TRPC3: variants seen among roughly 807,000 people sequenced by gnomAD.
TRPC3 encodes short transient receptor potential channel 3.
A neutral mutation model predicts 90.9 loss-of-function variants in TRPC3; 54 were observed. The ratio of observed to expected loss-of-function variants is 0.59; its 90% CI spans 0.48 to 0.75. The LOEUF is 0.75. TRPC3 is among the 30% of genes least tolerant of loss of function. The pLI is 0.00. For missense variants in TRPC3, 918 were observed against 1,194.5 expected, an observed-to-expected ratio of 0.77 and a Z score of 3.41; for synonymous variants, 424 against 450.9, an observed-to-expected ratio of 0.94 and a Z score of 0.75.
At chr4:121,881,833 A>C (rs1727953556) in intron 11 of TRPC3, among the ~76,000 whole-genome samples, 1 of 152,112 alleles carries the variant, frequency 6.6e-6, no homozygotes, top group Non-Finnish European at 1.5e-5. Context: ...CCTGCCTCAA[A>C]TATGCCTTAA....
chr4:121,882,507 A>G lies in TRPC3; in HGVS notation c.2548-78T>C. The G allele has an allele frequency of 2.2e-6, 3 of 1,366,068 alleles. 1 individual carries two copies. The South Asian group carries it at 4.0e-5, about 18-fold the overall frequency. The allele number at this position is 1,366,068 out of a possible 1,614,324, so 84.6% of individuals were successfully genotyped here. ...AATCCTATTTTCCAAAGAGGCTTAC[A>G]TACCTGTAAAGCAAACAACTCAGGG... On this transcript the variant is annotated intron_variant, in intron 10 of 11. Coordinates refer to ENST00000379645, the MANE Select transcript of TRPC3 (RefSeq NM_001130698.2).
At position 121,951,376 on chromosome 4, in the gene TRPC3, C is replaced by T. The variant is rs1444575783; in HGVS notation, c.215+90G>A. The T allele has an allele frequency of 3.4e-6, 3 of 889,654 alleles. No individual in the cohort carries two copies. The highest frequency in any genetic ancestry group is 4.2e-6 in the Non-Finnish European group (3 of 709,514). 55.1% of individuals were successfully genotyped at this position (889,654 alleles called of 1,614,324 possible). ...CCATGTGGGTCTCGGAGGTCCCGGGCTCGACGTGGAGCCGCCCGGCGCGCG... is the reference window on the plus strand; with the variant it reads ...CCATGTGGGTCTCGGAGGTCCCGGGTTCGACGTGGAGCCGCCCGGCGCGCG... On this transcript the variant is annotated intron_variant, in intron 1 of 11. Coordinates refer to ENST00000379645, the MANE Select transcript of TRPC3 (RefSeq NM_001130698.2). This position sits in a 1 kb window ranked among gnomAD's most constrained non-coding sequence, Gnocchi z 4.4.
chr4:121,899,520 A>C, intron 10 of TRPC3, 92 bp downstream of exon 10: 1 of 1,059,020 alleles, frequency 9.4e-7, no homozygotes, highest in East Asian at 2.4e-5. Flanking sequence ...TATCTCAAGA[A>C]TATAACTCAA....
chr4:121,937,379 AAT>A, intron 1 of TRPC3, among the ~76,000 whole-genome samples: 1 of 152,242 alleles, frequency 6.6e-6, no homozygotes, highest in African/African-American at 2.4e-5. Flanking sequence ...AAGTTGAAAT[AAT>A]ATGTTTGAGC....
intron 3 of TRPC3, among the ~76,000 whole-genome samples, chr4:121,921,568 C>T (rs149738957): frequency 7.2e-4 from 108 of 149,170 alleles, no homozygotes; most frequent in African/African-American, 2.4e-3. Flanking sequence ...TCATATGCGG[C>T]CAATATTGGC....
intron 10 of TRPC3, among the ~76,000 whole-genome samples, chr4:121,899,268 T>C (rs1270031712): frequency 1.3e-5 from 2 of 152,218 alleles, no homozygotes; most frequent in African/African-American, 4.8e-5. Flanking sequence ...CATTCTAACA[T>C]ACTCTGTCTT....
intron 2 of TRPC3, among the ~76,000 whole-genome samples, chr4:121,931,567 A>G (rs542667822): frequency 0.035 from 5,284 of 150,564 alleles, 306 homozygotes; most frequent in African/African-American, 0.12. Context: ...ATTAAAAAAA[A>G]TCTCTTAAAG....
intron 4 of TRPC3, among the ~76,000 whole-genome samples, chr4:121,913,789 C>A (rs890828251): frequency 6.6e-6 from 1 of 152,138 alleles, no homozygotes. Context: ...AAATGACAAA[C>A]TTTCTGCCTT....
At chr4:121,909,158 C>A (rs1023909925) in intron 6 of TRPC3, among the ~76,000 whole-genome samples, 8 of 152,178 alleles carry the variant, frequency 5.3e-5, no homozygotes, top group Admixed American at 2.0e-4. Flanking sequence ...AAATGGTGAT[C>A]ATTTGCTCAT....
rs186776913 is a variant in TRPC3, at chr4:121,927,653, C to A, written c.988-2447G>T. Among the ~76,000 whole-genome samples, 40 of 152,162 alleles carry A rather than the reference C, an allele frequency of 2.6e-4. 1 individual carries two copies. Among genetic ancestry groups the A allele is most frequent in the South Asian group, 2.1e-3 (10 of 4,820 alleles). On this transcript the variant is annotated intron_variant, in intron 2 of 11. Coordinates refer to ENST00000379645, the MANE Select transcript of TRPC3 (RefSeq NM_001130698.2). ...AAACCACGTCATCAGCTAAAATAAA[C>A]AAGAAGAAGAGAGACTGTTTAAAGG...
intron 11 of TRPC3, among the ~76,000 whole-genome samples, 191 bp from the exon 12 acceptor site, chr4:121,880,069 TAAAA>T (rs1727889635): frequency 2.6e-5 from 4 of 152,184 alleles, no homozygotes; most frequent in Admixed American, 2.0e-4. Flanking sequence ...AAAAAAGCTA[TAAAA>T]ATAGTCCAGC....
intron 10 of TRPC3, among the ~76,000 whole-genome samples, chr4:121,886,115 G>A (rs1728107806): frequency 6.6e-6 from 1 of 152,206 alleles, no homozygotes; most frequent in Non-Finnish European, 1.5e-5. Flanking sequence ...GAAATAAGAT[G>A]TGGGTGGTTG....
intron 11 of TRPC3, 25 bp downstream of exon 11, chr4:121,882,329 T>G: frequency 6.3e-7 from 1 of 1,590,250 alleles, no homozygotes. Context: ...TATAAAAGGA[T>G]ATTTTTTAAG....
chr4:121,951,908 G>C lies in TRPC3; in HGVS notation c.-228C>G, dbSNP rs1467512710. Among the ~76,000 whole-genome samples the C allele has an allele frequency of 6.6e-6, 1 of 152,080 alleles. No homozygotes were observed. The highest frequency in any genetic ancestry group is 2.4e-5 in the African/African-American group (1 of 41,420). On this transcript the variant is annotated 5_prime_UTR_variant, in exon 1 of 12. Coordinates refer to ENST00000379645, the MANE Select transcript of TRPC3 (RefSeq NM_001130698.2). The surrounding 1 kb of genome is among the most constrained non-coding windows in gnomAD (Gnocchi z 4.4). ...CGCCCACCATCAAACCGTGGGAGCA[G>C]CTGCCGCGGCCGTGGCTGCGACGAG...
intron 5 of TRPC3, 143 bp from the exon 6 acceptor site, chr4:121,910,530 T>C (rs1279325935): frequency 3.0e-6 from 2 of 670,760 alleles, no homozygotes; most frequent in Non-Finnish European, 5.2e-6. Flanking sequence ...TGACTGACTG[T>C]ATGGTCACTG....
chr4:121,879,511 G>T lies in TRPC3; in HGVS notation c.*225C>A. On this transcript the variant is annotated 3_prime_UTR_variant, in exon 12 of 12. Coordinates refer to ENST00000379645, the MANE Select transcript of TRPC3 (RefSeq NM_001130698.2). ...AAAGTTTCAATAATATAGTAATATTGGGCTTTTCAACACAATGGTATGCCA... is the reference window on the plus strand; with the variant it reads ...AAAGTTTCAATAATATAGTAATATTTGGCTTTTCAACACAATGGTATGCCA... 2.1e-6 allele frequency: 1 copy of T among 471,576 alleles called. No homozygotes were observed. 29.2% of individuals were successfully genotyped at this position (471,576 alleles called of 1,614,324 possible). A position where few individuals can be genotyped will look rare whatever the true frequency, so the allele number is the denominator to read the frequency against.
At chr4:121,894,254 C>A (rs1226357672) in intron 10 of TRPC3, among the ~76,000 whole-genome samples, 2 of 151,696 alleles carry the variant, frequency 1.3e-5, no homozygotes, top group African/African-American at 4.8e-5. Context: ...TAAAAAGAGA[C>A]AAAGAAAGGC....
chr4:121,921,307 G>A (rs896778308), intron 3 of TRPC3, among the ~76,000 whole-genome samples: 1 of 151,856 alleles, frequency 6.6e-6, no homozygotes, highest in Non-Finnish European at 1.5e-5. Flanking sequence ...CGGATCACGA[G>A]GTCAGGAGAT....
intron 3 of TRPC3, 46 bp downstream of exon 3, chr4:121,924,972 A>T (rs780804392): frequency 1.0e-5 from 16 of 1,553,868 alleles, no homozygotes; most frequent in Non-Finnish European, 1.3e-5. Context: ...AGTTTGTATC[A>T]CATGTTTATT....
Sources: gnomAD v4.1 joint callset for allele counts (sites outside exome capture counted in the v4.1 genomes callset) on GRCh38, gnomAD v4.1.1 for gene constraint, Gnocchi (gnomAD v3.1) non-coding constraint, MANE v1.5 for transcripts, NCBI Gene and HGNC (gene_info 2026-07-23, HGNC 2026-07-21) for gene names.